The following RNF217 variants were observed in gnomAD, a reference collection of about 807,000 sequenced individuals.
RNF217 encodes the protein ring finger protein 217.
In RNF217, 31 loss-of-function variants were observed where a neutral mutation model predicts 57.8. The ratio of observed to expected loss-of-function variants is 0.54; its 90% CI spans 0.40 to 0.72. RNF217 has a LOEUF of 0.72. Among genes scored for constraint, RNF217 ranks in the 30% least tolerant of loss-of-function variants. RNF217 has a pLI of 0.00. For missense variants in RNF217, 696 were observed against 708.3 expected (o/e 0.98, Z 0.20); for synonymous variants, 313 against 294.0 (o/e 1.06, Z -0.66).
chr6:125,020,576 A>T (rs576668033), intron 1 of RNF217, among the ~76,000 whole-genome samples: 30 of 151,072 alleles, frequency 2.0e-4, no homozygotes, highest in African/African-American at 5.8e-4. Context: ...TTTTTTTTTT[A>T]AATTGCCCTG....
intron 3 of RNF217, among the ~76,000 whole-genome samples, chr6:125,071,482 ATATGTGTGTGTGTGTG>A (rs1788138066): frequency 8.2e-6 from 1 of 122,260 alleles, no homozygotes; most frequent in Admixed American, 9.2e-5. Flanking sequence ...ATCTGCCTAC[ATATGTGTGTGTGTGTG>A]TGTGTGTGTG....
intron 1 of RNF217, among the ~76,000 whole-genome samples, chr6:124,968,266 T>A (rs1783625808): frequency 6.6e-6 from 1 of 152,066 alleles, no homozygotes; most frequent in Non-Finnish European, 1.5e-5. Flanking sequence ...TGTTTTGAGG[T>A]CACTCTAAAA....
At chr6:125,006,969 C>A (rs1785207109) in intron 1 of RNF217, among the ~76,000 whole-genome samples, 1 of 152,126 alleles carries the variant, frequency 6.6e-6, no homozygotes. Flanking sequence ...AAAAAGAATG[C>A]ATGATAGACA....
In RNF217 at chr6:125,085,521, G is replaced by A. The variant is rs1197083659; in HGVS notation, c.*2584G>A. The A allele has an allele frequency of 1.3e-5, 2 of 151,768 alleles. No individual in the cohort carries two copies. Among genetic ancestry groups the A allele is most frequent in the Non-Finnish European group, 2.9e-5 (2 of 67,800 alleles). The allele number at this position is 151,768 out of a possible 1,614,324, so 9.4% of individuals were successfully genotyped here. On this transcript the variant is annotated 3_prime_UTR_variant, in exon 6 of 6. Transcript: ENST00000521654. ...TTTATATGTCAGTGCCAACTTTGAA[G>A]GTAAAACAGTAGTAGTAACTTTTGG...
At chr6:124,992,522 C>G (rs1784596979) in intron 1 of RNF217, among the ~76,000 whole-genome samples, 2 of 152,010 alleles carry the variant, frequency 1.3e-5, no homozygotes, top group African/African-American at 4.8e-5. Flanking sequence ...TAGCAAGATA[C>G]TGGATTCGGT....
chr6:125,006,564 C>T (rs1210021935), intron 1 of RNF217, among the ~76,000 whole-genome samples: 1 of 152,176 alleles, frequency 6.6e-6, no homozygotes, highest in East Asian at 1.9e-4. Context: ...TCAATGAAAG[C>T]ATACTATTCT....
At chr6:125,067,702 G>C (rs1396910562) in intron 3 of RNF217, among the ~76,000 whole-genome samples, 1 of 152,160 alleles carries the variant, frequency 6.6e-6, no homozygotes, top group Non-Finnish European at 1.5e-5. Flanking sequence ...GGCTGTGAGG[G>C]ATATAGGTAT....
chr6:125,044,440 A>G (rs1402888227), intron 1 of RNF217, among the ~76,000 whole-genome samples: 3 of 152,112 alleles, frequency 2.0e-5, no homozygotes, highest in Non-Finnish European at 4.4e-5. Context: ...AATGCTAAAC[A>G]TATCTAGTAC....
intron 1 of RNF217, among the ~76,000 whole-genome samples, chr6:125,013,386 T>C (rs1346163236): frequency 7.1e-6 from 1 of 140,020 alleles, no homozygotes; most frequent in Non-Finnish European, 1.6e-5. Flanking sequence ...TGTGTGTGTG[T>C]GTGCTGTTTT....
Position 125,071,484 on chromosome 6 carries a change from A to ATGTGTG in RNF217, c.1282-5125_1282-5120dup, listed in dbSNP as rs61496685. On this transcript the variant is annotated intron_variant, in intron 3 of 5. Transcript: ENST00000521654. ...TTCAACTTGGAGCATCTGCCTACAT[A>ATGTGTG]TGTGTGTGTGTGTGTGTGTGTGTGT... 3.3e-3 allele frequency among the ~76,000 whole-genome samples: 457 copies of ATGTGTG among 136,820 alleles called. 1 individual carries two copies. The highest frequency in any genetic ancestry group is 0.014 in the East Asian group (60 of 4,386). 89.8% of individuals were successfully genotyped at this position (136,820 alleles called of 152,430 possible).
chr6:124,967,188 CGT>C (rs1348837646), intron 1 of RNF217, among the ~76,000 whole-genome samples: 1 of 152,130 alleles, frequency 6.6e-6, no homozygotes, highest in Non-Finnish European at 1.5e-5. Context: ...CCTGTGTATG[CGT>C]GTGTGAATAT....
At chr6:125,045,025 C>T (rs573821033) in intron 1 of RNF217, among the ~76,000 whole-genome samples, 186 bp from the exon 2 acceptor site, 4 of 151,938 alleles carry the variant, frequency 2.6e-5, no homozygotes, top group South Asian at 2.1e-4. Flanking sequence ...AGAAACATTA[C>T]GTAGTGATTA....
intron 2 of RNF217, chr6:125,048,125 A>G (rs977100695): frequency 9.0e-7 from 1 of 1,110,362 alleles, no homozygotes; most frequent in Non-Finnish European, 1.2e-6. Context: ...CCTGGTTTAC[A>G]TGCCCATACC....
chr6:125,000,198 A>G (rs1437678416), intron 1 of RNF217, among the ~76,000 whole-genome samples: 1 of 152,110 alleles, frequency 6.6e-6, no homozygotes, highest in Non-Finnish European at 1.5e-5. Context: ...GCCACATCGT[A>G]CCATTATTTT....
At chr6:125,029,975 G>C (rs1419693808) in intron 1 of RNF217, among the ~76,000 whole-genome samples, 1 of 152,118 alleles carries the variant, frequency 6.6e-6, no homozygotes, top group Non-Finnish European at 1.5e-5. Context: ...AAGAAAAAGA[G>C]GTATAATTGG....
intron 1 of RNF217, among the ~76,000 whole-genome samples, chr6:125,035,299 G>T (rs1057289137): frequency 1.3e-5 from 2 of 151,968 alleles, no homozygotes; most frequent in African/African-American, 4.8e-5. Flanking sequence ...AATGCTTCCA[G>T]TTTTTGCCCA....
intron 3 of RNF217, among the ~76,000 whole-genome samples, chr6:125,074,749 A>C (rs1016941125): frequency 2.0e-5 from 3 of 152,148 alleles, no homozygotes; most frequent in African/African-American, 7.2e-5. Context: ...CATTCAAATA[A>C]ATACACTGTA....
chr6:125,048,935 T>C (rs1787201140), intron 2 of RNF217, among the ~76,000 whole-genome samples: 1 of 152,046 alleles, frequency 6.6e-6, no homozygotes, highest in Non-Finnish European at 1.5e-5. Flanking sequence ...CATTCGTGAA[T>C]TGAGAGATTT....
intron 1 of RNF217, chr6:125,009,237 T>G (rs1313967944): frequency 5.6e-6 from 9 of 1,609,564 alleles, no homozygotes; most frequent in Non-Finnish European, 7.6e-6. Context: ...TATAATTAGT[T>G]CTCTTCTCAT....
Sources: allele counts gnomAD v4.1 joint callset (sites outside exome capture counted in the v4.1 genomes callset), GRCh38; gene constraint gnomAD v4.1.1; transcripts MANE v1.5; gene names NCBI Gene and HGNC (gene_info 2026-07-23, HGNC 2026-07-21).